The following UBE2H variants were observed in gnomAD, a reference collection of about 807,000 sequenced individuals.
The protein encoded by UBE2H is ubiquitin conjugating enzyme E2 H, also known as ubiquitin-conjugating enzyme E2 H.
A neutral mutation model predicts 29.0 loss-of-function variants in UBE2H; 3 were observed. The observed-to-expected ratio is 0.10, with a 90% CI of 0.05 to 0.27. The LOEUF is 0.27. Ranked by LOEUF, UBE2H falls within the 10% of genes least tolerant of loss-of-function variation. UBE2H has a pLI of 1.00. For missense variants in UBE2H, 68 were observed against 228.2 expected (o/e 0.30, Z 4.52); for synonymous variants, 69 against 82.9 (o/e 0.83, Z 0.91).
chr7:129,941,883 T>C (rs868479920), intron 1 of UBE2H, among the ~76,000 whole-genome samples: 3 of 151,922 alleles, frequency 2.0e-5, no homozygotes, highest in African/African-American at 4.8e-5. Context: ...ACTCTTAAGA[T>C]GCCAAAAAAA....
chr7:129,847,511 C>T, intron 5 of UBE2H, among the ~76,000 whole-genome samples: 1 of 151,000 alleles, frequency 6.6e-6, no homozygotes, highest in Admixed American at 6.6e-5. Flanking sequence ...GAGACCCAGT[C>T]TCTCTTTTTT....
chr7:129,852,013 T>C (rs1468666253), intron 5 of UBE2H, among the ~76,000 whole-genome samples: 2 of 152,206 alleles, frequency 1.3e-5, no homozygotes, highest in Admixed American at 1.3e-4. Context: ...CTACAAATAA[T>C]GACATCCAGC....
In UBE2H at chr7:129,831,570, G is replaced by A. The variant is rs951923845; in HGVS notation, c.*3367C>T. 17 of 152,218 alleles carry A rather than the reference G, an allele frequency of 1.1e-4. No individual in the cohort carries two copies. Among genetic ancestry groups the A allele is most frequent in the African/African-American group, 4.1e-4 (17 of 41,450 alleles). The allele number at this position is 152,218 out of a possible 1,614,324, so 9.4% of individuals were successfully genotyped here. On this transcript the variant is annotated 3_prime_UTR_variant, in exon 7 of 7. Transcript: ENST00000355621. ...CCTCAGGAGCTTAGATCAGCCAGCT[G>A]GCAGTCAGAACAGCTTTTGAAGTGG...
chr7:129,852,693 A>G (rs533717049), intron 5 of UBE2H, among the ~76,000 whole-genome samples: 1 of 152,068 alleles, frequency 6.6e-6, no homozygotes, highest in South Asian at 2.1e-4. Flanking sequence ...TCATAAGAAA[A>G]TTGTCTTCCA....
intron 3 of UBE2H, among the ~76,000 whole-genome samples, chr7:129,875,293 AT>A: frequency 6.6e-6 from 1 of 152,306 alleles, no homozygotes; most frequent in Non-Finnish European, 1.5e-5. Context: ...TATAAAAAAC[AT>A]TTTCCTGTGT....
At chr7:129,880,304 C>T (rs1211643569) in intron 2 of UBE2H, among the ~76,000 whole-genome samples, 3 of 152,066 alleles carry the variant, frequency 2.0e-5, no homozygotes, top group East Asian at 1.9e-4. Flanking sequence ...GTCAGGAGTG[C>T]GAGACCAGCC....
intron 1 of UBE2H, among the ~76,000 whole-genome samples, chr7:129,938,628 C>T (rs533542090): frequency 4.7e-5 from 7 of 150,368 alleles, no homozygotes; most frequent in Admixed American, 4.6e-4. Context: ...ATTGTTTGAA[C>T]CCGGGAGGCG....
At chr7:129,890,545 AATTTTTGTATTTTTAG>A (rs1806463699) in intron 1 of UBE2H, among the ~76,000 whole-genome samples, 1 of 151,914 alleles carries the variant, frequency 6.6e-6, no homozygotes, top group Admixed American at 6.6e-5. Context: ...ATGCATGGCT[AATTTTTGTATTTTTAG>A]ATTTTTGTAT....
intron 3 of UBE2H, among the ~76,000 whole-genome samples, chr7:129,860,354 C>T (rs1473960256): frequency 9.9e-5 from 15 of 151,966 alleles, no homozygotes; most frequent in Non-Finnish European, 2.9e-5. Context: ...ATCTTTGTGT[C>T]CAATATTAAT....
At chr7:129,854,099 G>T (rs764015743) in intron 5 of UBE2H, among the ~76,000 whole-genome samples, 2 of 131,966 alleles carry the variant, frequency 1.5e-5, no homozygotes, top group Non-Finnish European at 3.5e-5. Flanking sequence ...GCAGGGGTTG[G>T]CGGGGGCAGT....
intron 1 of UBE2H, among the ~76,000 whole-genome samples, chr7:129,913,178 G>A (rs190369298): frequency 1.2e-4 from 18 of 151,212 alleles, no homozygotes; most frequent in Admixed American, 4.0e-4. Context: ...CTTGAACCCC[G>A]GAGGCAGAGG....
At chr7:129,860,418 G>A (rs1283284882) in intron 3 of UBE2H, among the ~76,000 whole-genome samples, 1 of 152,192 alleles carries the variant, frequency 6.6e-6, no homozygotes, top group Non-Finnish European at 1.5e-5. Context: ...GAAGCATGTG[G>A]TTTATGAAGA....
At chr7:129,864,432 T>C (rs896659224) in intron 3 of UBE2H, among the ~76,000 whole-genome samples, 2 of 152,220 alleles carry the variant, frequency 1.3e-5, no homozygotes, top group Admixed American at 1.3e-4. Flanking sequence ...ATTTTCAAGA[T>C]ATTTTAAGAG....
chr7:129,865,792 C>T (rs1462426943), intron 3 of UBE2H, among the ~76,000 whole-genome samples: 2 of 152,196 alleles, frequency 1.3e-5, no homozygotes, highest in Non-Finnish European at 2.9e-5. Context: ...TCTATTTTTT[C>T]AGTAGGTATA....
intron 1 of UBE2H, among the ~76,000 whole-genome samples, chr7:129,923,049 C>T (rs989245828): frequency 6.6e-6 from 1 of 151,934 alleles, no homozygotes; most frequent in African/African-American, 2.4e-5. Context: ...TACAGGCACC[C>T]GCCACCAAGC....
At chr7:129,894,097 G>A (rs1052361556) in intron 1 of UBE2H, among the ~76,000 whole-genome samples, 5 of 152,208 alleles carry the variant, frequency 3.3e-5, no homozygotes, top group Non-Finnish European at 5.9e-5. Flanking sequence ...AGAGGTTGTG[G>A]TGAGCTGAGA....
At chr7:129,887,218 CTTTTT>C (rs58727788) in intron 1 of UBE2H, among the ~76,000 whole-genome samples, 4 of 103,966 alleles carry the variant, frequency 3.8e-5, no homozygotes, top group Middle Eastern at 4.4e-3. Context: ...CTCTCTTGAA[CTTTTT>C]TTTTTTTTTT....
At chr7:129,948,156 G>T (rs1307297817) in intron 1 of UBE2H, among the ~76,000 whole-genome samples, 1 of 151,028 alleles carries the variant, frequency 6.6e-6, no homozygotes, top group African/African-American at 2.4e-5. Context: ...CACTGTGCCA[G>T]CTTTTTTTTT....
At chr7:129,938,277 T>C (rs1807569347) in intron 1 of UBE2H, among the ~76,000 whole-genome samples, 1 of 151,466 alleles carries the variant, frequency 6.6e-6, no homozygotes, top group African/African-American at 2.4e-5. Context: ...CTGGGCATGG[T>C]GGCGTGTGAC....
Sources: allele counts gnomAD v4.1 joint callset (sites outside exome capture counted in the v4.1 genomes callset), GRCh38; gene constraint gnomAD v4.1.1; transcripts MANE v1.5; gene names NCBI Gene and HGNC (gene_info 2026-07-23, HGNC 2026-07-21).